The following PEPD variants were observed in gnomAD, a reference collection of about 807,000 sequenced individuals.
PEPD encodes the protein xaa-Pro dipeptidase.
In PEPD, 53 loss-of-function variants were observed where a neutral mutation model predicts 60.7. The observed-to-expected ratio is 0.87, with a 90% confidence interval of 0.70 to 1.10. The LOEUF is 1.10. Ranked by LOEUF, PEPD falls within the 50% of genes least tolerant of loss-of-function variation. The probability of loss-of-function intolerance (pLI) is 0.00; values close to 1 mark genes in which losing one functional copy is unlikely to be tolerated. For synonymous variants in PEPD, 267 were observed against 284.1 expected (o/e 0.94, Z 0.60); for missense variants, 711 against 711.9 (o/e 1.00, Z 0.01).
At chr19:33,474,031 C>A (rs189787542) in intron 7 of PEPD, among the ~76,000 whole-genome samples, 291 of 152,314 alleles carry the variant, frequency 1.9e-3, no homozygotes, top group African/African-American at 6.7e-3. Context: ...TCCTGAGGAA[C>A]CCTGTGTCCC....
chr19:33,413,102 C>A (rs931964190), intron 10 of PEPD, among the ~76,000 whole-genome samples: 8 of 152,234 alleles, frequency 5.3e-5, no homozygotes, highest in African/African-American at 1.9e-4. Flanking sequence ...CATGCACACC[C>A]ACATACAGCA....
Position 33,411,739 on chromosome 19 carries a change from A to T in PEPD, c.751T>A (p.Ser251Thr), listed in dbSNP as rs201572375. Residue 251 changes from serine (S) to threonine (T), a missense_variant, in exon 11 of 15, where the codon TCA (serine) becomes ACA (threonine). Coordinates refer to ENST00000244137, the MANE Select transcript of PEPD (RefSeq NM_000285.4). Reference protein sequence around the residue: ...YTCICGSGENSAVLHYGHAGA... With the variant: ...YTCICGSGENTAVLHYGHAGA... ...GCGTGTCCGTAGTGTAGCACGGCTG[A>T]GTTCTCACCACTGCAAAGAGCCGGG... The T allele has an allele frequency of 2.5e-4, 405 of 1,605,342 alleles. No individual in the cohort carries two copies. The highest frequency in any genetic ancestry group is 3.2e-4 in the Non-Finnish European group (378 of 1,172,688).
At chr19:33,407,705 G>C (rs1968663205) in intron 11 of PEPD, among the ~76,000 whole-genome samples, 1 of 152,234 alleles carries the variant, frequency 6.6e-6, no homozygotes, top group Admixed American at 6.5e-5. Flanking sequence ...CTCTGGTACA[G>C]TGACTTGGAG....
intron 3 of PEPD, among the ~76,000 whole-genome samples, chr19:33,510,142 T>C (rs545270112): frequency 5.8e-4 from 88 of 152,320 alleles, no homozygotes; most frequent in Middle Eastern, 6.8e-3. Flanking sequence ...ACGGAGAAGC[T>C]AGAATTTCAG....
At chr19:33,492,818 A>G (rs1263088804) in intron 5 of PEPD, among the ~76,000 whole-genome samples, 2 of 152,312 alleles carry the variant, frequency 1.3e-5, no homozygotes, top group East Asian at 3.9e-4. Context: ...GGGGTCCCAT[A>G]AACAGCTATT....
At chr19:33,407,792 C>T (rs180976970) in intron 11 of PEPD, among the ~76,000 whole-genome samples, 13 of 152,330 alleles carry the variant, frequency 8.5e-5, no homozygotes, top group African/African-American at 2.9e-4. Flanking sequence ...GGAGGCTTGA[C>T]GGCTACAGGC....
chr19:33,415,552 G>A (rs1968872880), intron 9 of PEPD, among the ~76,000 whole-genome samples: 1 of 152,070 alleles, frequency 6.6e-6, no homozygotes, highest in Non-Finnish European at 1.5e-5. Context: ...ACATCAGAAA[G>A]GGGAGGCAGT....
chr19:33,510,980 C>G (rs200235768), intron 3 of PEPD, 48 bp downstream of exon 3: 1 of 1,594,700 alleles, frequency 6.3e-7, no homozygotes, highest in Admixed American at 1.7e-5. Context: ...CTACCCACCC[C>G]CAGCCCATGG....
intron 12 of PEPD, among the ~76,000 whole-genome samples, chr19:33,397,784 C>CAGGCCTG (rs1409644054): frequency 6.6e-6 from 1 of 152,174 alleles, no homozygotes; most frequent in African/African-American, 2.4e-5. Flanking sequence ...ACACCCCTGC[C>CAGGCCTG]AGGCCTGAGG....
Position 33,400,480 on chromosome 19 carries a change from G to A in PEPD, c.967+1241C>T, listed in dbSNP as rs535546655. Among the ~76,000 whole-genome samples, 3 of 152,384 alleles carry A rather than the reference G, an allele frequency of 2.0e-5. No homozygotes were observed. The South Asian group carries it at 6.2e-4, about 32-fold the overall frequency. ...ATAACCAAAGATGCAGAACCTGCGTGCCTTGGGGGGCCAGCTGTGCCTGGG... is the reference window on the plus strand; with the variant it reads ...ATAACCAAAGATGCAGAACCTGCGTACCTTGGGGGGCCAGCTGTGCCTGGG... On this transcript the variant is annotated intron_variant, in intron 12 of 14. Coordinates refer to ENST00000244137, the MANE Select transcript of PEPD (RefSeq NM_000285.4).
At chr19:33,471,458 G>A (rs1033147016) in intron 7 of PEPD, among the ~76,000 whole-genome samples, 2 of 152,188 alleles carry the variant, frequency 1.3e-5, no homozygotes, top group Non-Finnish European at 1.5e-5. Flanking sequence ...TGAATATGAT[G>A]AGCCCATTTC....
intron 6 of PEPD, among the ~76,000 whole-genome samples, chr19:33,480,798 A>AAT (rs1454180204): frequency 2.8e-5 from 4 of 141,150 alleles, no homozygotes; most frequent in South Asian, 2.3e-4. Context: ...CGTTTCAAAA[A>AAT]ATATATATAT....
intron 5 of PEPD, among the ~76,000 whole-genome samples, chr19:33,490,648 C>T (rs1970481557): frequency 6.6e-6 from 1 of 152,106 alleles, no homozygotes; most frequent in African/African-American, 2.4e-5. Context: ...AAAGGCAAGG[C>T]ATTTTATTTC....
chr19:33,438,082 C>T (rs1969413839), intron 9 of PEPD, among the ~76,000 whole-genome samples: 1 of 152,218 alleles, frequency 6.6e-6, no homozygotes, highest in African/African-American at 2.4e-5. Context: ...TGGAAGTAGC[C>T]CTCCAATCAC....
intron 7 of PEPD, among the ~76,000 whole-genome samples, chr19:33,475,024 CT>C (rs1378928144): frequency 2.0e-5 from 3 of 151,648 alleles, no homozygotes; most frequent in Non-Finnish European, 4.4e-5. Flanking sequence ...CACTTATACT[CT>C]CATTCAATCT....
At chr19:33,458,460 A>G (rs1043673409) in intron 9 of PEPD, among the ~76,000 whole-genome samples, 11 of 140,086 alleles carry the variant, frequency 7.9e-5, no homozygotes, top group African/African-American at 3.0e-4. Context: ...TGGTGTGTGT[A>G]TGGTATGTGG....
At chr19:33,406,230 C>T (rs921049179) in intron 11 of PEPD, among the ~76,000 whole-genome samples, 3 of 152,182 alleles carry the variant, frequency 2.0e-5, no homozygotes, top group Non-Finnish European at 4.4e-5. Context: ...CTGGGAGCAC[C>T]CAGGATGTCT....
At chr19:33,450,890 C>T (rs532048385) in intron 9 of PEPD, among the ~76,000 whole-genome samples, 180 of 152,278 alleles carry the variant, frequency 1.2e-3, no homozygotes, top group South Asian at 5.4e-3. Flanking sequence ...CCCACCAGTG[C>T]GCCATGTCAG....
intron 12 of PEPD, among the ~76,000 whole-genome samples, chr19:33,394,862 T>G (rs1344974470): frequency 6.6e-6 from 1 of 152,084 alleles, no homozygotes; most frequent in Non-Finnish European, 1.5e-5. Flanking sequence ...CAAACCTCAT[T>G]CTGGCTTTCC....
Sources: allele counts gnomAD v4.1 joint callset (sites outside exome capture counted in the v4.1 genomes callset), GRCh38; gene constraint gnomAD v4.1.1; transcripts MANE v1.5; gene names NCBI Gene and HGNC (gene_info 2026-07-23, HGNC 2026-07-21).